DYRK1A: variants seen among roughly 807,000 people sequenced by gnomAD.
DYRK1A encodes the protein dual specificity tyrosine-phosphorylation-regulated kinase 1A.
Under a neutral mutation model 79.7 loss-of-function variants are expected in DYRK1A, and 9 were observed. The ratio of observed to expected loss-of-function variants is 0.11; its 90% CI spans 0.07 to 0.20. The LOEUF (loss-of-function observed/expected upper bound fraction) is 0.20. Among genes scored for constraint, DYRK1A ranks in the 10% least tolerant of loss-of-function variants. DYRK1A has a pLI of 1.00. For synonymous variants in DYRK1A, 349 were observed against 329.7 expected (o/e 1.06, Z -0.63); for missense variants, 622 against 956.0 (o/e 0.65, Z 4.61).
intron 2 of DYRK1A, among the ~76,000 whole-genome samples, chr21:37,456,474 A>G (rs1026957792): frequency 6.6e-6 from 1 of 152,148 alleles, no homozygotes; most frequent in Non-Finnish European, 1.5e-5. Flanking sequence ...CCCCTTTGCC[A>G]GTTTACACGG....
chr21:37,465,742 C>A lies in DYRK1A; in HGVS notation c.11-6942C>A, dbSNP rs144035340. Among the ~76,000 whole-genome samples the A allele has an allele frequency of 9.5e-3, 1,448 of 152,024 alleles. 21 individuals are homozygous for A. Among genetic ancestry groups the A allele is most frequent in the African/African-American group, 0.033 (1,386 of 41,420 alleles). On this transcript the variant is annotated intron_variant, in intron 2 of 11. Coordinates refer to ENST00000647188, the MANE Select transcript of DYRK1A (RefSeq NM_001347721.2). ...ATCCCAGCTAGTTGGGAGGCTGAGG[C>A]AGGAGAATTGCTTGACCCTAGGAGA...
At chr21:37,498,690 CAGTCT>C (rs2053349551) in intron 9 of DYRK1A, among the ~76,000 whole-genome samples, 1 of 152,168 alleles carries the variant, frequency 6.6e-6, no homozygotes, top group South Asian at 2.1e-4. Context: ...TCTGACAGCA[CAGTCT>C]AAGAGTAGAA....
At chr21:37,469,784 T>C (rs2052158158) in intron 2 of DYRK1A, among the ~76,000 whole-genome samples, 1 of 152,174 alleles carries the variant, frequency 6.6e-6, no homozygotes, top group Non-Finnish European at 1.5e-5. Context: ...AATAACCTCC[T>C]ACCGGGGCCC....
At chr21:37,403,651 ATAT>A (rs2050096227) in intron 1 of DYRK1A, among the ~76,000 whole-genome samples, 5 of 68,916 alleles carry the variant, frequency 7.3e-5, no homozygotes, top group Admixed American at 4.4e-4. Context: ...AAAAAAAAAT[ATAT>A]ATATATATAT....
chr21:37,496,708 ATG>A (rs1235880218), intron 9 of DYRK1A, among the ~76,000 whole-genome samples: 1 of 150,386 alleles, frequency 6.6e-6, no homozygotes, highest in Non-Finnish European at 1.5e-5. Context: ...CTTAAGTAGT[ATG>A]TGATTTTTTT....
At chr21:37,482,031 C>T (rs1238180563) in intron 5 of DYRK1A, among the ~76,000 whole-genome samples, 1 of 152,162 alleles carries the variant, frequency 6.6e-6, no homozygotes, top group Non-Finnish European at 1.5e-5. Flanking sequence ...GCAGTCCAAA[C>T]TTTTGACTTT....
intron 2 of DYRK1A, among the ~76,000 whole-genome samples, chr21:37,463,418 G>A (rs2051918877): frequency 6.6e-6 from 1 of 152,184 alleles, no homozygotes; most frequent in African/African-American, 2.4e-5. Flanking sequence ...TGCACTGTGT[G>A]CTTGGGATAT....
intron 1 of DYRK1A, among the ~76,000 whole-genome samples, chr21:37,392,202 C>A (rs1054389239): frequency 6.6e-6 from 1 of 152,166 alleles, no homozygotes; most frequent in African/African-American, 2.4e-5. Context: ...TTAAAATGCT[C>A]AATCCAAGTG....
At chr21:37,384,186 G>C (rs2049714899) in intron 1 of DYRK1A, among the ~76,000 whole-genome samples, 1 of 152,092 alleles carries the variant, frequency 6.6e-6, no homozygotes, top group African/African-American at 2.4e-5. Context: ...AACCAAGGGT[G>C]GTTGTCATTT....
intron 9 of DYRK1A, chr21:37,503,763 T>G (rs2053519276): frequency 6.6e-6 from 1 of 152,242 alleles, no homozygotes; most frequent in South Asian, 2.1e-4. Flanking sequence ...TCTTCTGAAA[T>G]TCTACATCTA....
At chr21:37,455,603 C>T (rs889767877) in intron 2 of DYRK1A, among the ~76,000 whole-genome samples, 1 of 152,156 alleles carries the variant, frequency 6.6e-6, no homozygotes, top group African/African-American at 2.4e-5. Context: ...AGTCTGCTCT[C>T]AGAGTGTCTC....
intron 2 of DYRK1A, among the ~76,000 whole-genome samples, chr21:37,453,980 AG>A (rs2051546090): frequency 6.6e-6 from 1 of 151,848 alleles, no homozygotes; most frequent in African/African-American, 2.4e-5. Flanking sequence ...TATATTTTGC[AG>A]TCAATATAAA....
chr21:37,497,393 G>A (rs547271011), intron 9 of DYRK1A, among the ~76,000 whole-genome samples: 2 of 152,200 alleles, frequency 1.3e-5, no homozygotes, highest in East Asian at 3.9e-4. Context: ...TTCCCCATAA[G>A]GAAAGGATGG....
chr21:37,367,039 TGCCGCC>T lies in DYRK1A; in HGVS notation c.-661_-656del, dbSNP rs1408024013. On this transcript the variant is annotated 5_prime_UTR_variant, in exon 1 of 12. Coordinates refer to ENST00000647188, the MANE Select transcript of DYRK1A (RefSeq NM_001347721.2). ...TTCCTGCTGCTGCTGTTGGTGCCGC[TGCCGCC>T]GCCGGCGAGCAGGCGGGACCGGTGT... 6.2e-6 allele frequency: 1 copy of T among 160,918 alleles called. No individual in the cohort carries two copies. The highest frequency in any genetic ancestry group is 1.4e-5 in the Non-Finnish European group (1 of 73,620). The allele number at this position is 160,918 out of a possible 1,614,324, so 10.0% of individuals were successfully genotyped here.
intron 1 of DYRK1A, among the ~76,000 whole-genome samples, chr21:37,415,908 CTTG>C (rs1183865719): frequency 2.6e-5 from 4 of 152,042 alleles, no homozygotes. Flanking sequence ...CTAATGAGCT[CTTG>C]TTTTTTCATG....
chr21:37,496,535 G>GT (rs2053275208), intron 9 of DYRK1A, among the ~76,000 whole-genome samples: 1 of 152,110 alleles, frequency 6.6e-6, no homozygotes. Flanking sequence ...ACCATACTTG[G>GT]TTTCAACAGT....
At position 37,516,410 on chromosome 21, in the gene DYRK1A, C is replaced by T. The variant is rs2053881170; in HGVS notation, c.*3879C>T. 1 of 152,174 alleles carries T rather than the reference C, an allele frequency of 6.6e-6. No homozygotes were observed. Among genetic ancestry groups the T allele is most frequent in the African/African-American group, 2.4e-5 (1 of 41,444 alleles). 9.4% of individuals were successfully genotyped at this position (152,174 alleles called of 1,614,324 possible). Reference sequence around the variant, plus strand: ...GAGGAGAAGTTCTGATTTTCATAACCCTGGTTTCTTATCTAGGCCTGTTTC... The same window carrying T: ...GAGGAGAAGTTCTGATTTTCATAACTCTGGTTTCTTATCTAGGCCTGTTTC... On this transcript the variant is annotated 3_prime_UTR_variant, in exon 12 of 12. Coordinates refer to ENST00000647188, the MANE Select transcript of DYRK1A (RefSeq NM_001347721.2).
chr21:37,373,824 A>G (rs1250276080), intron 1 of DYRK1A, among the ~76,000 whole-genome samples: 3 of 152,216 alleles, frequency 2.0e-5, no homozygotes, highest in Non-Finnish European at 4.4e-5. Flanking sequence ...ATTTGGGTCT[A>G]CTGAAGAAGG....
At chr21:37,389,542 T>G (rs965353031) in intron 1 of DYRK1A, among the ~76,000 whole-genome samples, 1 of 152,200 alleles carries the variant, frequency 6.6e-6, no homozygotes, top group Admixed American at 6.5e-5. Flanking sequence ...TGTTTTTTGT[T>G]TTCCATCATA....
Sources: allele counts gnomAD v4.1 joint callset (sites outside exome capture counted in the v4.1 genomes callset), GRCh38; gene constraint gnomAD v4.1.1; transcripts MANE v1.5; gene names NCBI Gene and HGNC (gene_info 2026-07-23, HGNC 2026-07-21).